The following SIGIRR variants were observed in gnomAD, a reference collection of about 807,000 sequenced individuals.
SIGIRR encodes the protein single Ig IL-1-related receptor.
Under a neutral mutation model 45.6 loss-of-function variants are expected in SIGIRR, and 41 were observed. That is an observed-to-expected ratio of 0.90 (90% CI 0.70 to 1.17). SIGIRR has a LOEUF of 1.17. SIGIRR is among the 50% of genes most tolerant of loss of function. The pLI is 0.00. For missense variants in SIGIRR, 599 were observed against 539.6 expected (o/e 1.11, Z -1.09); for synonymous variants, 298 against 239.0 (o/e 1.25, Z -2.28).
In SIGIRR at chr11:408,859, C is replaced by T. The variant is rs141720883; in HGVS notation, c.42G>A (p.Pro14=). The change falls in exon 3 of 10, where the codon CCG becomes CCA. Residue 14 remains proline (P), a synonymous_variant. Transcript: ENST00000431843. ...CAGGCCTCAGCACCTGGTCTTCAGA[C>T]GGGGAGAGGAAGTCAGGGGCCCTAT... ...VCDRAPDFLS[P]SEDQVLRPAL... is the part of the protein sequence containing the mutation. 2.7e-4 allele frequency: 436 copies of T among 1,612,722 alleles called. No individual in the cohort carries two copies. Among genetic ancestry groups the T allele is most frequent in the Admixed American group, 5.2e-4 (31 of 60,010 alleles).
rs1044878881 is a variant in SIGIRR at position 409,943 on chromosome 11, C to T, written c.-69G>A. The T allele has an allele frequency of 7.1e-6, 9 of 1,260,760 alleles. No individual in the cohort carries two copies. In the Admixed American group the frequency reaches 3.3e-4, roughly 46 times the overall value. The allele number at this position is 1,260,760 out of a possible 1,614,324, so 78.1% of individuals were successfully genotyped here. A position where few individuals can be genotyped will look rare whatever the true frequency, so the allele number is the denominator to read the frequency against. On this transcript the variant is annotated 5_prime_UTR_variant, in exon 2 of 10. Coordinates refer to ENST00000431843, the MANE Select transcript of SIGIRR (RefSeq NM_001135054.2). ...TCACCCCTGGCTCCACCGGGCTCCT[C>T]GGCCAGCAGACTGATCCAAGAGCTG...
intron 2 of SIGIRR, chr11:409,280 C>A: frequency 2.6e-6 from 1 of 387,996 alleles, no homozygotes; most frequent in South Asian, 2.1e-5. Context: ...CACTGCACCC[C>A]TCAGCCTGGC....
intron 1 of SIGIRR, among the ~76,000 whole-genome samples, chr11:412,149 C>G (rs1847669514): frequency 4.0e-5 from 1 of 25,074 alleles, no homozygotes; most frequent in African/African-American, 1.4e-4. Context: ...CAGCTCTGAC[C>G]ATGTCTGGAT....
intron 9 of SIGIRR, 140 bp downstream of exon 9, chr11:406,209 G>T: frequency 3.2e-6 from 5 of 1,538,752 alleles, no homozygotes; most frequent in Non-Finnish European, 4.4e-6. Flanking sequence ...CACCTCCAGG[G>T]CAGAGGCCGT....
intron 2 of SIGIRR, chr11:409,196 C>A: frequency 2.0e-6 from 1 of 491,294 alleles, no homozygotes; most frequent in Non-Finnish European, 3.8e-6. Context: ...GTGAGTCCAG[C>A]CCCCCATTTC....
intron 9 of SIGIRR, 96 bp downstream of exon 9, chr11:406,253 C>T (rs1245166922): frequency 1.3e-6 from 2 of 1,548,648 alleles, no homozygotes; most frequent in African/African-American, 1.4e-5. Context: ...GAGTCCTCAA[C>T]ACCTGGAGCC....
Position 407,103 on chromosome 11 carries a change from CG to C in SIGIRR, c.686del (p.Ser229TrpfsTer5). ...SRCRRLIVVL[S>X]DAFLSRAWCS... Reference sequence around the variant, plus strand: ...ACCAGGCCCGGCTCAGGAAGGCGTCCGAAAGCACCACGATGAGGCGTCGGCA... The same window carrying C: ...ACCAGGCCCGGCTCAGGAAGGCGTCCAAAGCACCACGATGAGGCGTCGGCA... On this transcript the variant is annotated frameshift_variant, in exon 7 of 10. Coordinates refer to ENST00000431843, the MANE Select transcript of SIGIRR (RefSeq NM_001135054.2). LOFTEE classifies it high-confidence loss of function. The C allele has an allele frequency of 2.0e-6, 3 of 1,511,144 alleles. No individual in the cohort carries two copies. Among genetic ancestry groups the C allele is most frequent in the South Asian group, 2.6e-5 (2 of 75,634 alleles). 93.6% of individuals were successfully genotyped at this position (1,511,144 alleles called of 1,614,324 possible).
rs1464184164 is a variant in SIGIRR at position 408,891 on chromosome 11, C to T, written c.10G>A (p.Val4Ile). 3 of 1,612,546 alleles carry T rather than the reference C, an allele frequency of 1.9e-6. No homozygotes were observed. Among genetic ancestry groups the T allele is most frequent in the East Asian group, 2.2e-5 (1 of 44,890 alleles). Residue 4 changes from valine to isoleucine, a missense_variant and splice_region_variant, in exon 3 of 10, where the codon GTC (valine) becomes ATC (isoleucine). By Grantham distance (29) the Val-to-Ile change is conservative. Coordinates refer to ENST00000431843, the MANE Select transcript of SIGIRR (RefSeq NM_001135054.2). ...AGGAAGTCAGGGGCCCTATCACAGA[C>T]ACCTGAAGAGAGAGGACACAGTGGG... The part of the protein sequence containing the change: MPG[V>I]CDRAPDFLSP...
At chr11:407,017 G>T in intron 7 of SIGIRR, 24 bp from the exon 8 acceptor site, 1 of 1,587,760 alleles carries the variant, frequency 6.3e-7, no homozygotes, top group Non-Finnish European at 8.5e-7. Context: ...CCGTCAGGGG[G>T]GTGGGTGCTA....
chr11:417,153 G>A (rs1239482193), upstream of SIGIRR: 1 of 152,274 alleles, frequency 6.6e-6, no homozygotes, highest in Non-Finnish European at 1.5e-5. The surrounding 1 kb of genome is among the most constrained non-coding windows in gnomAD (Gnocchi z 4.2). Flanking sequence ...CAGGACGCGG[G>A]CGAGCTCGGG....
chr11:407,776 C>T, intron 5 of SIGIRR, 41 bp downstream of exon 5: 1 of 1,609,920 alleles, frequency 6.2e-7, no homozygotes, highest in East Asian at 2.2e-5. Context: ...CTCAGGGAGG[C>T]CGTGGCGACC....
intron 1 of SIGIRR, among the ~76,000 whole-genome samples, chr11:410,706 A>C (rs1449107093): frequency 2.7e-5 from 1 of 37,030 alleles, no homozygotes; most frequent in East Asian, 8.4e-4. Flanking sequence ...GCAGTCAGGG[A>C]GGGGGTTGCC....
chr11:407,320 G>A (rs1847376889), intron 6 of SIGIRR, 105 bp downstream of exon 6: 3 of 924,032 alleles, frequency 3.2e-6, no homozygotes, highest in East Asian at 3.1e-5. Flanking sequence ...GCGGGGATGG[G>A]GGCGGAGCTC....
At chr11:410,442 G>A (rs1447727106) in intron 1 of SIGIRR, among the ~76,000 whole-genome samples, 2 of 152,300 alleles carry the variant, frequency 1.3e-5, no homozygotes, top group East Asian at 3.9e-4. Flanking sequence ...GGGTGTGAGT[G>A]ATGTAACCTA....
intron 1 of SIGIRR, among the ~76,000 whole-genome samples, chr11:413,685 C>A (rs187235211): frequency 6.7e-6 from 1 of 148,340 alleles, no homozygotes; most frequent in Non-Finnish European, 1.5e-5. Context: ...CTCCCCTGCA[C>A]CCTCTCCCTG....
chr11:409,049 G>T, intron 2 of SIGIRR, 156 bp from the exon 3 acceptor site: 1 of 688,492 alleles, frequency 1.5e-6, no homozygotes, highest in Non-Finnish European at 2.5e-6. Context: ...CTTAGCACTT[G>T]GCACGTCTTT....
At chr11:412,729 G>C (rs1265318089) in intron 1 of SIGIRR, among the ~76,000 whole-genome samples, 1 of 148,452 alleles carries the variant, frequency 6.7e-6, no homozygotes, top group Non-Finnish European at 1.5e-5. Flanking sequence ...TGCAGTCGAG[G>C]GGGGGTGCCC....
rs1264007944 is a variant in SIGIRR, at chr11:407,532, TC to T, written c.517del (p.Asp173ThrfsTer9). 1.9e-6 allele frequency: 3 copies of T among 1,609,578 alleles called. No individual in the cohort carries two copies. The highest frequency in any genetic ancestry group is 4.5e-5 in the East Asian group (2 of 44,728). On this transcript the variant is annotated frameshift_variant, in exon 6 of 10. Coordinates refer to ENST00000431843, the MANE Select transcript of SIGIRR (RefSeq NM_001135054.2). LOFTEE classifies it high-confidence loss of function. The part of the protein sequence containing the change: ...KLYDAYVSYS[D>X]CPEDRKFVNF... ...CACGAACTTGCGGTCCTCGGGGCAG[TC>T]GCTGTAGGAGACGTAGGCGTCGTAG...
At position 407,112 on chromosome 11, in the gene SIGIRR, CACGA is replaced by C; in HGVS notation, c.674_677del (p.Ile225ArgfsTer8). ...GGCTCAGGAAGGCGTCCGAAAGCAC[CACGA>C]TGAGGCGTCGGCAGCGGCTCAGGTT... On this transcript the variant is annotated frameshift_variant, in exon 7 of 10. Coordinates refer to ENST00000431843, the MANE Select transcript of SIGIRR (RefSeq NM_001135054.2). LOFTEE classifies it high-confidence loss of function. 6 of 1,573,308 alleles carry C rather than the reference CACGA, an allele frequency of 3.8e-6. No individual in the cohort carries two copies. The highest frequency in any genetic ancestry group is 1.8e-5 in the Admixed American group (1 of 56,460).
Sources: allele counts gnomAD v4.1 joint callset (sites outside exome capture counted in the v4.1 genomes callset), GRCh38; gene constraint gnomAD v4.1.1; non-coding constraint Gnocchi (gnomAD v3.1); transcripts MANE v1.5; gene names NCBI Gene and HGNC (gene_info 2026-07-23, HGNC 2026-07-21).